NOB1: variants seen among roughly 807,000 people sequenced by gnomAD.
NOB1 encodes RNA-binding protein NOB1.
In NOB1, 44 loss-of-function variants were observed where a neutral mutation model predicts 44.8. The ratio of observed to expected loss-of-function variants is 0.98; its 90% confidence interval spans 0.77 to 1.26. NOB1 has a LOEUF of 1.26. Ranked by LOEUF, NOB1 falls within the 50% of genes most tolerant of loss-of-function variation. The probability of loss-of-function intolerance (pLI) is 0.00; values close to 1 mark genes in which losing one functional copy is unlikely to be tolerated. For missense variants in NOB1, 560 were observed against 544.8 expected, an observed-to-expected ratio of 1.03 and a Z score of -0.28; for synonymous variants, 238 against 218.7, an observed-to-expected ratio of 1.09 and a Z score of -0.78.
At chr16:69,749,494 G>C (rs1415629664) in intron 4 of NOB1, 65 bp downstream of exon 4, 2 of 1,546,264 alleles carry the variant, frequency 1.3e-6, no homozygotes, top group African/African-American at 1.4e-5. Context: ...GTGAAGAGAT[G>C]ACTTAGAGAG....
rs2038514559 is a variant in NOB1, at chr16:69,754,918, G to T, written c.-8C>A. On this transcript the variant is annotated 5_prime_UTR_variant, in exon 1 of 9. Transcript: ENST00000268802. Reference sequence around the variant, plus strand: ...GTGCTCCACTGGAGCCATGTTGGCTGCGTGAGAGGGGAGCGCGCATGCGCA... The same window carrying T: ...GTGCTCCACTGGAGCCATGTTGGCTTCGTGAGAGGGGAGCGCGCATGCGCA... 1.3e-6 allele frequency: 2 copies of T among 1,574,244 alleles called. No homozygotes were observed. The highest frequency in any genetic ancestry group is 1.3e-5 in the African/African-American group (1 of 74,232).
At chr16:69,745,702 A>G (rs2038425177) in intron 7 of NOB1, among the ~76,000 whole-genome samples, 1 of 152,220 alleles carries the variant, frequency 6.6e-6, no homozygotes, top group South Asian at 2.1e-4. Flanking sequence ...ATCAGCGGCA[A>G]AGCAGTGGCC....
rs1420113786 is a variant in NOB1 at position 69,749,339 on chromosome 16, C to A, written c.400-1G>T. On this transcript the variant is annotated splice_acceptor_variant, in intron 4 of 8. Coordinates refer to ENST00000268802, the MANE Select transcript of NOB1 (RefSeq NM_014062.3). LOFTEE classifies it high-confidence loss of function. ...TTTCTGTTTCTTGTGGGGGTTTAGG[C>A]TGAAATTAAAAGAAACAATTTTAAA... 5 of 1,582,396 alleles carry A rather than the reference C, an allele frequency of 3.2e-6. No individual in the cohort carries two copies. Among genetic ancestry groups the A allele is most frequent in the Non-Finnish European group, 4.3e-6 (5 of 1,171,088 alleles).
intron 6 of NOB1, 36 bp downstream of exon 6, chr16:69,748,882 C>T (rs1199995850): frequency 4.6e-6 from 7 of 1,527,896 alleles, no homozygotes; most frequent in African/African-American, 1.4e-5. Flanking sequence ...CTGCCGATGA[C>T]GTGTGTGACA....
chr16:69,752,145 T>C, intron 3 of NOB1, 96 bp downstream of exon 3: 1 of 1,145,738 alleles, frequency 8.7e-7, no homozygotes, highest in Non-Finnish European at 1.3e-6. Flanking sequence ...GGGGGGATGA[T>C]GGGAACCCTG....
chr16:69,747,268 T>C (rs907748112), intron 7 of NOB1, among the ~76,000 whole-genome samples: 4 of 147,222 alleles, frequency 2.7e-5, no homozygotes, highest in African/African-American at 1.0e-4. Context: ...GATAGGCAGA[T>C]GGCTCAGGCC....
At position 69,742,581 on chromosome 16, in the gene NOB1, T is replaced by C; in HGVS notation, c.990A>G (p.Lys330=). The change falls in exon 9 of 9, where the codon AAA becomes AAG. Residue 330 remains lysine (K), a synonymous_variant. Coordinates refer to ENST00000268802, the MANE Select transcript of NOB1 (RefSeq NM_014062.3). ...GGGGGTTGATGGCGTATTTGCCCCCTTTGGGAGTGGGAAGCGAGTACTGGA... is the reference window on the plus strand; with the variant it reads ...GGGGGTTGATGGCGTATTTGCCCCCCTTGGGAGTGGGAAGCGAGTACTGGA... ...RGLRYSLPTP[K]GGKYAINPHL... The C allele has an allele frequency of 6.2e-7, 1 of 1,613,990 alleles. No homozygotes were observed. Among genetic ancestry groups the C allele is most frequent in the Non-Finnish European group, 8.5e-7 (1 of 1,179,978 alleles).
rs2151753854 is a variant in NOB1 at position 69,748,609 on chromosome 16, T to C, written c.727-280A>G. The C allele has an allele frequency of 3.7e-6, 2 of 534,772 alleles. 1 individual carries two copies. The highest frequency in any genetic ancestry group is 9.8e-4 in the Middle Eastern group (2 of 2,046). The allele number at this position is 534,772 out of a possible 1,614,324, so 33.1% of individuals were successfully genotyped here. A position where few individuals can be genotyped will look rare whatever the true frequency, so the allele number is the denominator to read the frequency against. On this transcript the variant is annotated intron_variant, in intron 6 of 8. Coordinates refer to ENST00000268802, the MANE Select transcript of NOB1 (RefSeq NM_014062.3). The stretch of plus-strand genomic sequence containing the variant: ...TGTCTGGGCCAAATATACTCATTGC[T>C]GGGCTGAAAACCCTCTCTCCCTGTG...
Position 69,749,243 on chromosome 16 carries a change from G to A in NOB1, c.495C>T (p.Pro165=), listed in dbSNP as rs968642435. ...SSFMFWRNPL[P]NIDHELQELL... is the part of the protein sequence containing the mutation. ...GCTCCTGCAGTTCATGATCGATGTT[G>A]GGCAAAGGGTTTCTCCAGAACATGA... The change falls in exon 5 of 9, where the codon CCC becomes CCT. Residue 165 remains proline (P), a synonymous_variant. Transcript: ENST00000268802. 1.2e-6 allele frequency: 2 copies of A among 1,613,416 alleles called. No homozygotes were observed. Among genetic ancestry groups the A allele is most frequent in the Admixed American group, 1.7e-5 (1 of 59,818 alleles).
rs764821465 is a variant in NOB1 at position 69,752,373 on chromosome 16, T to A, written c.197-2A>T. 1 of 1,611,882 alleles carries A rather than the reference T, an allele frequency of 6.2e-7. No individual in the cohort carries two copies. The highest frequency in any genetic ancestry group is 1.1e-5 in the South Asian group (1 of 91,026). On this transcript the variant is annotated splice_acceptor_variant, in intron 2 of 8. Transcript: ENST00000268802. LOFTEE classifies it high-confidence loss of function. Reference sequence around the variant, plus strand: ...CTGTTTTCTTTGAAAACTCAGTCACTGTAAACAACAGATTTACATCTTCAG... The same window carrying A: ...CTGTTTTCTTTGAAAACTCAGTCACAGTAAACAACAGATTTACATCTTCAG...
chr16:69,748,718 T>C, intron 6 of NOB1, 200 bp downstream of exon 6: 1 of 564,078 alleles, frequency 1.8e-6, no homozygotes, highest in South Asian at 2.6e-5. Context: ...GTTAAACATT[T>C]AATGTACTAT....
Position 69,744,969 on chromosome 16 carries a change from C to A in NOB1, c.873G>T (p.Lys291Asn), listed in dbSNP as rs779451471. 6.2e-7 allele frequency: 1 copy of A among 1,614,160 alleles called. No homozygotes were observed. The highest frequency in any genetic ancestry group is 1.3e-5 in the African/African-American group (1 of 75,034). ...CGGTCACGGACACTTTCTTCAGGGT[C>A]TTGTTCCCACAGTGTGAGCAGAACA... is the stretch of plus-strand genomic sequence containing the variant. Reference protein sequence around the residue: ...SRVFCSHCGNKTLKKVSVTVS... With the variant: ...SRVFCSHCGNNTLKKVSVTVS... The change falls in exon 8 of 9, where the codon AAG becomes AAT. Residue 291 changes from lysine to asparagine, a missense_variant. Transcript: ENST00000268802.
intron 3 of NOB1, among the ~76,000 whole-genome samples, chr16:69,751,390 T>C (rs931786874): frequency 6.6e-6 from 1 of 152,062 alleles, no homozygotes; most frequent in East Asian, 1.9e-4. Context: ...ATTTAAACCT[T>C]TCCCAAAAAC....
At chr16:69,753,446 T>C (rs1320761695) in intron 2 of NOB1, among the ~76,000 whole-genome samples, 1 of 152,220 alleles carries the variant, frequency 6.6e-6, no homozygotes, top group Non-Finnish European at 1.5e-5. Context: ...ACTAGGTATA[T>C]TGCTCTTATT....
chr16:69,754,162 T>C (rs1011096467), intron 2 of NOB1, among the ~76,000 whole-genome samples: 2 of 152,204 alleles, frequency 1.3e-5, no homozygotes, highest in Non-Finnish European at 1.5e-5. Flanking sequence ...CTCTGCCAGG[T>C]GCAGATCTTT....
chr16:69,742,316 T>C lies in NOB1; in HGVS notation c.*16A>G, dbSNP rs760541276. The C allele has an allele frequency of 4.7e-5, 75 of 1,604,058 alleles. No homozygotes were observed. Among genetic ancestry groups the C allele is most frequent in the Non-Finnish European group, 6.2e-5 (73 of 1,172,296 alleles). ...CGGCCAGACGCCCATCCAATTTGCCTGCGGGAACTCGCTCTTCACCTTTTC... is the reference window on the plus strand; with the variant it reads ...CGGCCAGACGCCCATCCAATTTGCCCGCGGGAACTCGCTCTTCACCTTTTC... On this transcript the variant is annotated 3_prime_UTR_variant, in exon 9 of 9. Transcript: ENST00000268802.
rs376115894 is a variant in NOB1, at chr16:69,748,267, G to A, written c.789C>T (p.Ala263=). Residue 263 remains alanine (A), a synonymous_variant, in exon 7 of 9, where the codon GCC becomes GCT. Coordinates refer to ENST00000268802, the MANE Select transcript of NOB1 (RefSeq NM_014062.3). ...CATGGCAGCGCAAGATGTAGCTCCG[G>A]GCCTCACGAATCAGCATGCCGTTCA... ...LAVNGMLIRE[A]RSYILRCHGC... is the part of the protein sequence containing the mutation. The A allele has an allele frequency of 7.4e-6, 12 of 1,614,012 alleles. No individual in the cohort carries two copies. Among genetic ancestry groups the A allele is most frequent in the Admixed American group, 1.7e-5 (1 of 60,008 alleles).
At position 69,741,910 on chromosome 16, in the gene NOB1, C is replaced by G. The variant is rs1247965219; in HGVS notation, c.*422G>C. 1 of 157,494 alleles carries G rather than the reference C, an allele frequency of 6.3e-6. No individual in the cohort carries two copies. Among genetic ancestry groups the G allele is most frequent in the East Asian group, 1.9e-4 (1 of 5,328 alleles). The allele number at this position is 157,494 out of a possible 1,614,324, so 9.8% of individuals were successfully genotyped here. The stretch of plus-strand genomic sequence containing the variant: ...TTTATTATAACCTTGTATTTTCTGG[C>G]AAAAATATAAATCTAAATGCATGAT... On this transcript the variant is annotated 3_prime_UTR_variant, in exon 9 of 9. Transcript: ENST00000268802.
At chr16:69,744,011 G>A (rs1379736176) in intron 8 of NOB1, among the ~76,000 whole-genome samples, 1 of 152,228 alleles carries the variant, frequency 6.6e-6, no homozygotes, top group Non-Finnish European at 1.5e-5. Flanking sequence ...TTAACCCTGG[G>A]AAATCCAGGT....
Sources: allele counts gnomAD v4.1 joint callset (sites outside exome capture counted in the v4.1 genomes callset), GRCh38; gene constraint gnomAD v4.1.1; transcripts MANE v1.5; gene names NCBI Gene and HGNC (gene_info 2026-07-23, HGNC 2026-07-21).